SORCS1: variants seen among roughly 807,000 people sequenced by gnomAD.
SORCS1 encodes VPS10 domain-containing receptor SorCS1.
Under a neutral mutation model 146.1 loss-of-function variants are expected in SORCS1, and 60 were observed. The ratio of observed to expected loss-of-function variants is 0.41; its 90% CI spans 0.33 to 0.51. The LOEUF is 0.51. SORCS1 is among the 20% of genes least tolerant of loss of function. SORCS1 has a pLI of 0.21. For missense variants in SORCS1, 1,352 were observed against 1,487.6 expected (o/e 0.91, Z 1.50); for synonymous variants, 637 against 584.0 (o/e 1.09, Z -1.31).
chr10:106,618,066 G>A, intron 21 of SORCS1, 83 bp downstream of exon 21: 1 of 1,565,946 alleles, frequency 6.4e-7, no homozygotes, highest in Non-Finnish European at 8.7e-7. Flanking sequence ...GTCACAGCTG[G>A]GGGATGGTCT....
chr10:106,811,751 T>C (rs1191565392), intron 3 of SORCS1, among the ~76,000 whole-genome samples: 1 of 152,224 alleles, frequency 6.6e-6, no homozygotes, highest in Non-Finnish European at 1.5e-5. Flanking sequence ...GCTTGCTTCA[T>C]TGAGCAGTTG....
upstream of SORCS1, among the ~76,000 whole-genome samples, chr10:107,167,783 CAT>C (rs1047618589): frequency 1.3e-4 from 19 of 151,576 alleles, no homozygotes; most frequent in Admixed American, 6.6e-4. Context: ...ACAATATAAA[CAT>C]ATGTATATAT....
At chr10:106,817,061 G>T (rs1434372989) in intron 3 of SORCS1, among the ~76,000 whole-genome samples, 2 of 152,190 alleles carry the variant, frequency 1.3e-5, no homozygotes, top group Non-Finnish European at 2.9e-5. Flanking sequence ...GTTAAATAAT[G>T]CACTAATAAA....
intron 5 of SORCS1, among the ~76,000 whole-genome samples, chr10:106,738,320 A>G (rs2486152): frequency 0.8 from 122,388 of 152,202 alleles, 49,671 homozygotes; most frequent in Non-Finnish European, 0.87. Context: ...GGAAAATAAA[A>G]TCTAAGTGGG....
intron 3 of SORCS1, among the ~76,000 whole-genome samples, chr10:106,811,607 T>C (rs1446200736): frequency 6.6e-6 from 1 of 152,210 alleles, no homozygotes. Context: ...AGGCACTTCA[T>C]CCCACTAATC....
chr10:106,732,425 C>G (rs528684174), intron 5 of SORCS1, among the ~76,000 whole-genome samples: 148 of 152,272 alleles, frequency 9.7e-4, no homozygotes, highest in African/African-American at 3.4e-3. Flanking sequence ...CCTTTTCTGA[C>G]AAGACTGCAA....
intron 21 of SORCS1, among the ~76,000 whole-genome samples, chr10:106,616,604 G>A (rs1231441493): frequency 6.6e-6 from 1 of 152,156 alleles, no homozygotes; most frequent in Non-Finnish European, 1.5e-5. Context: ...CTCGTACCTT[G>A]CTAATGGGAC....
At chr10:106,901,692 C>G (rs1951709636) in intron 2 of SORCS1, among the ~76,000 whole-genome samples, 1 of 152,186 alleles carries the variant, frequency 6.6e-6, no homozygotes, top group South Asian at 2.1e-4. Context: ...ACCTTGGCCT[C>G]TGAAAGTGGT....
intron 1 of SORCS1, among the ~76,000 whole-genome samples, chr10:106,973,561 C>T (rs1160974084): frequency 6.6e-6 from 1 of 152,148 alleles, no homozygotes; most frequent in Non-Finnish European, 1.5e-5. Context: ...ACTCACAGAG[C>T]CCCTGGGGGC....
At chr10:106,784,770 T>C (rs1054785363) in intron 3 of SORCS1, among the ~76,000 whole-genome samples, 2 of 152,222 alleles carry the variant, frequency 1.3e-5, no homozygotes, top group African/African-American at 4.8e-5. Context: ...GAAATCTCTT[T>C]ATTCCACAAG....
At chr10:107,072,641 C>A (rs949665736) in intron 1 of SORCS1, among the ~76,000 whole-genome samples, 2 of 149,902 alleles carry the variant, frequency 1.3e-5, no homozygotes, top group African/African-American at 2.5e-5. Context: ...AGACACATGG[C>A]GAGAGGGAGA....
At chr10:106,980,897 TCTC>T (rs1318714458) in intron 1 of SORCS1, among the ~76,000 whole-genome samples, 5 of 152,152 alleles carry the variant, frequency 3.3e-5, no homozygotes, top group Non-Finnish European at 1.5e-5. Flanking sequence ...TCTTCATTCT[TCTC>T]CTTCAACACT....
intron 9 of SORCS1, among the ~76,000 whole-genome samples, chr10:106,697,054 C>T (rs930179171): frequency 6.6e-6 from 1 of 152,132 alleles, no homozygotes; most frequent in Non-Finnish European, 1.5e-5. Context: ...AGCAAGAATC[C>T]TTCCATTTCA....
intron 1 of SORCS1, among the ~76,000 whole-genome samples, chr10:107,074,619 A>G (rs990940106): frequency 2.0e-5 from 3 of 152,182 alleles, no homozygotes; most frequent in Admixed American, 1.3e-4. Flanking sequence ...AGAAACCACC[A>G]AACTGTTTTC....
chr10:106,915,502 C>T (rs1047852137), intron 2 of SORCS1, among the ~76,000 whole-genome samples: 2 of 152,112 alleles, frequency 1.3e-5, no homozygotes, highest in African/African-American at 2.4e-5. Context: ...TCCTGCCAAC[C>T]TCCCTCCTCC....
At chr10:106,765,022 CAAA>C (rs10582038) in intron 4 of SORCS1, among the ~76,000 whole-genome samples, 369 of 73,242 alleles carry the variant, frequency 5.0e-3, no homozygotes, top group African/African-American at 0.017. Flanking sequence ...GACACTGTCT[CAAA>C]AAAAAAAAAA....
At chr10:106,842,237 T>C (rs1434139145) in intron 2 of SORCS1, among the ~76,000 whole-genome samples, 1 of 152,204 alleles carries the variant, frequency 6.6e-6, no homozygotes, top group Admixed American at 6.5e-5. Flanking sequence ...TATTATTTTA[T>C]TTATTTTTGT....
chr10:106,861,540 G>A (rs183496890), intron 2 of SORCS1, among the ~76,000 whole-genome samples: 445 of 152,102 alleles, frequency 2.9e-3, no homozygotes, highest in Non-Finnish European at 3.3e-3. Flanking sequence ...GACAAGCTAC[G>A]AAACATATAG....
intron 24 of SORCS1, among the ~76,000 whole-genome samples, chr10:106,586,988 C>T (rs1190780842): frequency 1.3e-5 from 2 of 152,072 alleles, no homozygotes; most frequent in South Asian, 2.1e-4. Context: ...CATTGCTGCA[C>T]GCTGGTAGGT....
Sources: gnomAD v4.1 joint callset for allele counts (sites outside exome capture counted in the v4.1 genomes callset) on GRCh38, gnomAD v4.1.1 for gene constraint, MANE v1.5 for transcripts, NCBI Gene and HGNC (gene_info 2026-07-23, HGNC 2026-07-21) for gene names.